The following PTPRQ variants were observed in gnomAD, a reference collection of about 807,000 sequenced individuals.
PTPRQ encodes the protein phosphatidylinositol phosphatase PTPRQ.
PTPRQ carries 199 observed loss-of-function variants against 246.0 expected under a neutral mutation model. That is an observed-to-expected ratio of 0.81 (90% CI 0.72 to 0.91). PTPRQ has a LOEUF of 0.91. Ranked by LOEUF, PTPRQ falls within the 40% of genes least tolerant of loss-of-function variation. The pLI is 0.00. For missense variants in PTPRQ, 2,624 were observed against 2,528.4 expected, an observed-to-expected ratio of 1.04 and a Z score of -0.81; for synonymous variants, 869 against 853.2, an observed-to-expected ratio of 1.02 and a Z score of -0.32.
rs960884311 is a variant in PTPRQ at position 80,451,021 on chromosome 12, G to A, written c.390+5304G>A. Among the ~76,000 whole-genome samples the A allele has an allele frequency of 7.9e-5, 12 of 152,126 alleles. No individual in the cohort carries two copies. In the East Asian group the frequency reaches 1.3e-3, roughly 17 times the overall value. ...TCCGTCTGGTCCTGGACTCTTTTTC[G>A]TTGGCAAGCTATCGCTTATTGCCAC... On this transcript the variant is annotated intron_variant, in intron 3 of 44. Transcript: ENST00000644991.
chr12:80,458,932 G>A (rs893616842), intron 4 of PTPRQ, among the ~76,000 whole-genome samples: 7 of 151,984 alleles, frequency 4.6e-5, no homozygotes, highest in African/African-American at 1.4e-4. Flanking sequence ...GATTCAGTTT[G>A]CTATGTTTTT....
chr12:80,558,488 T>G (rs577838360), intron 25 of PTPRQ, among the ~76,000 whole-genome samples: 116 of 145,252 alleles, frequency 8.0e-4, no homozygotes, highest in Non-Finnish European at 1.3e-3. Flanking sequence ...TTTTTTTTTC[T>G]TTTTGGTATG....
At chr12:80,467,306 G>A (rs1187730215) in intron 6 of PTPRQ, among the ~76,000 whole-genome samples, 1 of 152,070 alleles carries the variant, frequency 6.6e-6, no homozygotes, top group East Asian at 1.9e-4. Context: ...ACCACAATGA[G>A]ATACCATCTC....
At chr12:80,465,889 A>T (rs1397842138) in intron 6 of PTPRQ, among the ~76,000 whole-genome samples, 1 of 152,210 alleles carries the variant, frequency 6.6e-6, no homozygotes, top group African/African-American at 2.4e-5. Context: ...ACAAACCCAC[A>T]GCCAATATCA....
chr12:80,499,702 T>A (rs1320864372), intron 14 of PTPRQ, among the ~76,000 whole-genome samples: 1 of 151,856 alleles, frequency 6.6e-6, no homozygotes, highest in African/African-American at 2.4e-5. Context: ...GAAATAGAGT[T>A]TACTAATGCT....
Position 80,468,790 on chromosome 12 carries a change from A to G in PTPRQ, c.991A>G (p.Ile331Val). ...TTCAATTTTATGGGACCCACCAACT[A>G]TAGTAACAGGGAAATTTAGTTATAG... The part of the protein sequence containing the change: ...SFSILWDPPT[I>V]VTGKFSYRVE... Residue 331 changes from isoleucine (I) to valine (V), a missense_variant, in exon 7 of 45, where the codon ATA becomes GTA. Ile to Val is a conservative substitution (Grantham distance 29, BLOSUM62 3). Coordinates refer to ENST00000644991, the MANE Select transcript of PTPRQ (RefSeq NM_001145026.2). 6.5e-7 allele frequency: 1 copy of G among 1,550,240 alleles called. No homozygotes were observed. The highest frequency in any genetic ancestry group is 8.7e-7 in the Non-Finnish European group (1 of 1,146,312).
intron 17 of PTPRQ, among the ~76,000 whole-genome samples, chr12:80,521,175 G>A (rs1208405283): frequency 2.0e-5 from 3 of 152,100 alleles, no homozygotes; most frequent in Non-Finnish European, 4.4e-5. Flanking sequence ...AGAAGTGTCT[G>A]TTCATATCCT....
At chr12:80,487,959 T>C (rs1315507247) in intron 9 of PTPRQ, among the ~76,000 whole-genome samples, 1 of 152,132 alleles carries the variant, frequency 6.6e-6, no homozygotes, top group Non-Finnish European at 1.5e-5. Context: ...TGTTCTCATC[T>C]GGAGGCTTGA....
At chr12:80,493,196 GT>G in intron 9 of PTPRQ, 78 bp from the exon 10 acceptor site, 1 of 1,331,490 alleles carries the variant, frequency 7.5e-7, no homozygotes, top group Non-Finnish European at 9.7e-7. Context: ...AAAGTTATAG[GT>G]TTTTTAGAAC....
intron 43 of PTPRQ, among the ~76,000 whole-genome samples, chr12:80,675,891 A>G (rs1901120829): frequency 6.6e-6 from 1 of 152,116 alleles, no homozygotes; most frequent in Non-Finnish European, 1.5e-5. Flanking sequence ...AGCCTCTTTG[A>G]GCTATGTCTC....
At chr12:80,450,826 G>C (rs1158929448) in intron 3 of PTPRQ, among the ~76,000 whole-genome samples, 1 of 152,182 alleles carries the variant, frequency 6.6e-6, no homozygotes, top group Non-Finnish European at 1.5e-5. Flanking sequence ...CAAGGATATT[G>C]GTCTAAAATT....
chr12:80,485,408 A>G (rs1894241611), intron 9 of PTPRQ, among the ~76,000 whole-genome samples: 1 of 152,148 alleles, frequency 6.6e-6, no homozygotes, highest in African/African-American at 2.4e-5. Context: ...GACAAACACG[A>G]TAGTTATTCA....
At chr12:80,478,948 C>G in intron 8 of PTPRQ, among the ~76,000 whole-genome samples, 1 of 152,148 alleles carries the variant, frequency 6.6e-6, no homozygotes, top group Admixed American at 6.5e-5. Flanking sequence ...TTGGAAAACA[C>G]TCTGCAGGAT....
At chr12:80,560,478 A>T (rs1896790584) in intron 25 of PTPRQ, among the ~76,000 whole-genome samples, 1 of 152,216 alleles carries the variant, frequency 6.6e-6, no homozygotes, top group Non-Finnish European at 1.5e-5. Flanking sequence ...CTCTGTGTTT[A>T]ACAATAATAC....
At chr12:80,472,833 A>G (rs1893683651) in intron 8 of PTPRQ, among the ~76,000 whole-genome samples, 1 of 152,208 alleles carries the variant, frequency 6.6e-6, no homozygotes, top group South Asian at 2.1e-4. Context: ...ATGTTTCCAT[A>G]CTATTTCACA....
At chr12:80,572,995 A>G (rs756690687) in intron 25 of PTPRQ, among the ~76,000 whole-genome samples, 50 of 152,140 alleles carry the variant, frequency 3.3e-4, no homozygotes, top group Middle Eastern at 3.2e-3. Context: ...AGATATTTAC[A>G]TCAAAGTTAT....
At chr12:80,622,025 A>C (rs1407159255) in intron 32 of PTPRQ, 36 bp from the exon 33 acceptor site, 1 of 1,239,482 alleles carries the variant, frequency 8.1e-7, no homozygotes, top group Non-Finnish European at 1.1e-6. Context: ...ATCACATGAT[A>C]TGCAAAGTGT....
intron 33 of PTPRQ, among the ~76,000 whole-genome samples, chr12:80,623,779 G>A (rs17007019): frequency 0.015 from 2,327 of 152,164 alleles, 55 homozygotes; most frequent in African/African-American, 0.052. Context: ...AACATGTTCC[G>A]TCAGTTATCT....
At chr12:80,532,802 C>T (rs1260804859) in intron 17 of PTPRQ, among the ~76,000 whole-genome samples, 3 of 152,126 alleles carry the variant, frequency 2.0e-5, no homozygotes, top group Non-Finnish European at 4.4e-5. Context: ...TCACATACTC[C>T]GAATCCATAT....
Sources: gnomAD v4.1 joint callset for allele counts (sites outside exome capture counted in the v4.1 genomes callset) on GRCh38, gnomAD v4.1.1 for gene constraint, MANE v1.5 for transcripts, NCBI Gene and HGNC (gene_info 2026-07-23, HGNC 2026-07-21) for gene names.